ATP5PO: variants seen among roughly 807,000 people sequenced by gnomAD.
ATP5PO encodes ATP synthase peripheral stalk subunit OSCP, mitochondrial.
A neutral mutation model predicts 26.2 loss-of-function variants in ATP5PO; 14 were observed. That is an observed-to-expected ratio of 0.53 (90% confidence interval 0.35 to 0.83). The LOEUF is 0.83. ATP5PO is among the 40% of genes least tolerant of loss of function. The pLI, the probability that ATP5PO is intolerant of heterozygous loss-of-function variation, is 0.01. For missense variants in ATP5PO, 241 were observed against 258.5 expected, an observed-to-expected ratio of 0.93 and a Z score of 0.46; for synonymous variants, 106 against 95.1, an observed-to-expected ratio of 1.12 and a Z score of -0.67.
chr21:33,914,068 G>A (rs551074462), intron 2 of ATP5PO, among the ~76,000 whole-genome samples: 2 of 151,982 alleles, frequency 1.3e-5, no homozygotes, highest in South Asian at 2.1e-4. Flanking sequence ...GTGAGCCACC[G>A]CGCCCAGCCC....
rs777349814 is a variant in ATP5PO at position 33,914,480 on chromosome 21, A to G, written c.57T>C (p.Ser19=). 6.2e-7 allele frequency: 1 copy of G among 1,613,472 alleles called. No homozygotes were observed. The highest frequency in any genetic ancestry group is 8.5e-7 in the Non-Finnish European group (1 of 1,179,716). Residue 19 remains serine (S), a synonymous_variant, in exon 2 of 7, where the codon TCT becomes TCC. Coordinates refer to ENST00000290299, the MANE Select transcript of ATP5PO (RefSeq NM_001697.3). ...LSRQVRCFST[S]VVRPFAKLVR... ...CAAGCTTGGCAAATGGTCTGACCAC[A>G]GAGGTACTGAAGCATCGCACCTTCA...
rs1205002063 is a variant in ATP5PO at position 33,903,750 on chromosome 21, C to T, written c.529-111G>A. On this transcript the variant is annotated intron_variant, in intron 6 of 6. Transcript: ENST00000290299. ...GCACAAATGTAAGAGGTTATAATTACACCTAGAAAAAGGCAAAAGTAAAAC... is the reference window on the plus strand; with the variant it reads ...GCACAAATGTAAGAGGTTATAATTATACCTAGAAAAAGGCAAAAGTAAAAC... 8.0e-6 allele frequency: 10 copies of T among 1,252,466 alleles called. No individual in the cohort carries two copies. The East Asian group carries it at 1.5e-4, about 18-fold the overall frequency. 77.6% of individuals were successfully genotyped at this position (1,252,466 alleles called of 1,614,324 possible).
intron 6 of ATP5PO, 77 bp from the exon 7 acceptor site, chr21:33,903,716 A>C (rs557261202): frequency 2.7e-6 from 4 of 1,472,090 alleles, no homozygotes; most frequent in Non-Finnish European, 3.8e-6. Flanking sequence ...TTGAAAGGCT[A>C]AATGTGTTGC....
At chr21:33,907,554 T>A in intron 4 of ATP5PO, 101 bp from the exon 5 acceptor site, 1 of 941,912 alleles carries the variant, frequency 1.1e-6, no homozygotes, top group Non-Finnish European at 1.7e-6. Flanking sequence ...TTTGTGGCCT[T>A]AAAACACCAT....
At chr21:33,907,806 A>T (rs1238419190) in intron 4 of ATP5PO, among the ~76,000 whole-genome samples, 1 of 152,186 alleles carries the variant, frequency 6.6e-6, no homozygotes, top group African/African-American at 2.4e-5. Context: ...AGCCTGGGCG[A>T]CAGAGCAAGA....
At chr21:33,905,936 A>AAAAAAAAAAAAAAAAAAAC (rs1987166397) in intron 5 of ATP5PO, among the ~76,000 whole-genome samples, 3 of 150,950 alleles carry the variant, frequency 2.0e-5, no homozygotes, top group African/African-American at 2.4e-5. Context: ...AAAAAAAAAA[A>AAAAAAAAAAAAAAAAAAAC]AAGAAAATCA....
At chr21:33,914,589 C>T in intron 1 of ATP5PO, 89 bp from the exon 2 acceptor site, 1 of 1,215,858 alleles carries the variant, frequency 8.2e-7, no homozygotes, top group Non-Finnish European at 1.2e-6. Context: ...TTTTAAATAA[C>T]CTTAAAATCA....
At chr21:33,914,332 C>T in intron 2 of ATP5PO, 118 bp downstream of exon 2, 1 of 985,222 alleles carries the variant, frequency 1.0e-6, no homozygotes, top group Non-Finnish European at 1.5e-6. Context: ...TTGGGAACCA[C>T]AAGTCACGCA....
chr21:33,907,517 A>G (rs1987189516), intron 4 of ATP5PO, 64 bp from the exon 5 acceptor site: 35 of 1,402,268 alleles, frequency 2.5e-5, no homozygotes, highest in Non-Finnish European at 3.5e-5. Flanking sequence ...ATGAAGTTGT[A>G]TACTCAACCC....
chr21:33,908,400 T>C (rs1987203758), intron 4 of ATP5PO, among the ~76,000 whole-genome samples: 1 of 152,074 alleles, frequency 6.6e-6, no homozygotes, highest in Non-Finnish European at 1.5e-5. Flanking sequence ...TATTTTGAGC[T>C]GGCTATGAGG....
At chr21:33,903,677 TAATCA>T in intron 6 of ATP5PO, 38 bp from the exon 7 acceptor site, 1 of 1,593,242 alleles carries the variant, frequency 6.3e-7, no homozygotes, top group South Asian at 1.1e-5. Flanking sequence ...GAAAACGCGC[TAATCA>T]AATGGGACAC....
Position 33,911,291 on chromosome 21 carries a change from A to G in ATP5PO, c.198+998T>C, listed in dbSNP as rs1463202256. ...GCTTTTCATGTTTAAAAAAAAAAGT[A>G]AAAAACATCTTGCAGCAGCCTCACA... On this transcript the variant is annotated intron_variant, in intron 3 of 6. Coordinates refer to ENST00000290299, the MANE Select transcript of ATP5PO (RefSeq NM_001697.3). Among the ~76,000 whole-genome samples the G allele has an allele frequency of 2.0e-5, 3 of 152,198 alleles. No homozygotes were observed. In the East Asian group the frequency reaches 5.8e-4, roughly 29 times the overall value.
intron 6 of ATP5PO, 128 bp downstream of exon 6, chr21:33,903,803 AAAAT>A (rs776679670): frequency 2.0e-4 from 223 of 1,111,866 alleles, no homozygotes; most frequent in Non-Finnish European, 2.7e-4. Context: ...ATTTAAATTT[AAAAT>A]AAATACAAAA....
intron 4 of ATP5PO, among the ~76,000 whole-genome samples, chr21:33,907,993 A>C (rs532387408): frequency 6.6e-6 from 1 of 151,360 alleles, no homozygotes; most frequent in South Asian, 2.1e-4. Context: ...CTGCCTCACA[A>C]AAAAAAAACT....
intron 5 of ATP5PO, chr21:33,906,879 TA>T (rs1387698629): frequency 2.4e-6 from 1 of 413,710 alleles, no homozygotes; most frequent in Non-Finnish European, 4.9e-6. Flanking sequence ...TAATCCCAGC[TA>T]CTCAGGAAGC....
Position 33,913,461 on chromosome 21 carries a change from A to G in ATP5PO, c.87+989T>C, listed in dbSNP as rs142462165. 2.9e-3 allele frequency among the ~76,000 whole-genome samples: 443 copies of G among 152,304 alleles called. 2 individuals are homozygous for G. Among genetic ancestry groups the G allele is most frequent in the African/African-American group, 0.01 (424 of 41,562 alleles). ...TTGAACCAATTCTCTATCACACAGG[A>G]ACTTTCTTTAATCAAATAAAGAATT... is the stretch of plus-strand genomic sequence containing the variant. On this transcript the variant is annotated intron_variant, in intron 2 of 6. Coordinates refer to ENST00000290299, the MANE Select transcript of ATP5PO (RefSeq NM_001697.3).
At chr21:33,915,487 CA>C (rs574039566) in intron 1 of ATP5PO, 14 of 570,318 alleles carry the variant, frequency 2.5e-5, no homozygotes, top group Non-Finnish European at 4.2e-5. Context: ...TAGCAGCTTC[CA>C]GGGGCTGTGC....
chr21:33,906,410 T>C (rs1403785818), intron 5 of ATP5PO: 1 of 307,668 alleles, frequency 3.3e-6, no homozygotes, highest in Non-Finnish European at 6.3e-6. Context: ...AATGGACTTC[T>C]AAGAGGCCTT....
chr21:33,905,924 A>G (rs1235635661), intron 5 of ATP5PO, among the ~76,000 whole-genome samples: 4 of 150,464 alleles, frequency 2.7e-5, no homozygotes, highest in South Asian at 4.3e-4. Flanking sequence ...AAAAGAAAAA[A>G]AAAAAAAAAA....
Sources: allele counts gnomAD v4.1 joint callset (sites outside exome capture counted in the v4.1 genomes callset), GRCh38; gene constraint gnomAD v4.1.1; transcripts MANE v1.5; gene names NCBI Gene and HGNC (gene_info 2026-07-23, HGNC 2026-07-21).